Variants in BDH1 observed in about 807,000 individuals in gnomAD.
The protein encoded by BDH1 is 3-hydroxybutyrate dehydrogenase 1, also known as D-beta-hydroxybutyrate dehydrogenase, mitochondrial.
A neutral mutation model predicts 33.1 loss-of-function variants in BDH1; 30 were observed. The observed-to-expected ratio is 0.91, with a 90% CI of 0.68 to 1.23. The LOEUF is 1.23. Ranked by LOEUF, BDH1 falls within the 50% of genes most tolerant of loss-of-function variation. BDH1 has a pLI of 0.00. For missense variants in BDH1, 443 were observed against 464.4 expected (o/e 0.95, Z 0.42); for synonymous variants, 190 against 183.6 (o/e 1.03, Z -0.28).
intron 1 of BDH1, among the ~76,000 whole-genome samples, chr3:197,555,141 C>T (rs1431103954): frequency 6.6e-6 from 1 of 152,266 alleles, no homozygotes; most frequent in African/African-American, 2.4e-5. Flanking sequence ...GCTCCTCCTC[C>T]TTCCCCGGCC....
intron 3 of BDH1, among the ~76,000 whole-genome samples, chr3:197,539,406 C>T (rs948012779): frequency 1.3e-5 from 2 of 152,216 alleles, no homozygotes; most frequent in African/African-American, 4.8e-5. Flanking sequence ...TCCCAAAGTG[C>T]TGGGATTACA....
At chr3:197,547,854 G>GC (rs1415602922) in intron 2 of BDH1, among the ~76,000 whole-genome samples, 1 of 149,606 alleles carries the variant, frequency 6.7e-6, no homozygotes, top group Admixed American at 6.6e-5. Context: ...CTCCTGCTCT[G>GC]CCCTCATCCT....
chr3:197,521,760 T>C lies in BDH1; in HGVS notation c.409+880A>G, dbSNP rs1249543837. 6.6e-6 allele frequency among the ~76,000 whole-genome samples: 1 copy of C among 152,128 alleles called. No homozygotes were observed. Among genetic ancestry groups the C allele is most frequent in the East Asian group, 1.9e-4 (1 of 5,204 alleles). The stretch of plus-strand genomic sequence containing the variant: ...GGCAGCTTCGCCTTCTCAACACTCC[T>C]CGCACCTGACCCTTCCTGTTTCCCA... On this transcript the variant is annotated intron_variant, in intron 6 of 7. Coordinates refer to ENST00000392379, the MANE Select transcript of BDH1 (RefSeq NM_203314.3). This position sits in a 1 kb window ranked among gnomAD's most constrained non-coding sequence, Gnocchi z 4.9.
Position 197,516,791 on chromosome 3 carries a change from T to G in BDH1, c.410-2375A>C, listed in dbSNP as rs574621061. ...CTCCCCCACCTACTGAGTCACCCAG[T>G]ACTGCTAATATTACAGCTCAAGATC... On this transcript the variant is annotated intron_variant, in intron 6 of 7. Coordinates refer to ENST00000392379, the MANE Select transcript of BDH1 (RefSeq NM_203314.3). The surrounding 1 kb of genome is among the most constrained non-coding windows in gnomAD (Gnocchi z 4.2). 9.9e-4 allele frequency among the ~76,000 whole-genome samples: 150 copies of G among 152,014 alleles called. 1 individual carries two copies. Among genetic ancestry groups the G allele is most frequent in the African/African-American group, 3.4e-3 (141 of 41,438 alleles).
intron 2 of BDH1, among the ~76,000 whole-genome samples, chr3:197,548,255 G>A (rs1027546514): frequency 3.0e-4 from 46 of 151,524 alleles, no homozygotes; most frequent in African/African-American, 1.0e-3. Flanking sequence ...ACAGGCCCAC[G>A]TTGGCTCAGA....
At chr3:197,549,887 C>T (rs1579989808) in intron 2 of BDH1, among the ~76,000 whole-genome samples, 2 of 151,982 alleles carry the variant, frequency 1.3e-5, no homozygotes, top group East Asian at 3.8e-4. Context: ...TCCATATCAT[C>T]TTTGTTAATT....
chr3:197,531,256 C>T (rs1330021196), intron 5 of BDH1, among the ~76,000 whole-genome samples: 1 of 151,580 alleles, frequency 6.6e-6, no homozygotes, highest in Non-Finnish European at 1.5e-5. Context: ...ATTAGGTGGG[C>T]ATGGTGGCTC....
At chr3:197,566,285 T>C (rs1219320028) in intron 1 of BDH1, among the ~76,000 whole-genome samples, 1 of 152,208 alleles carries the variant, frequency 6.6e-6, no homozygotes, top group East Asian at 1.9e-4. Flanking sequence ...GGATTCAAAA[T>C]TGACTTATGG....
In BDH1 at chr3:197,514,067, C is replaced by T. The variant is rs116413785; in HGVS notation, c.562+197G>A. The T allele has an allele frequency of 4.8e-3, 3,182 of 659,186 alleles. 64 individuals are homozygous for T. Among genetic ancestry groups the T allele is most frequent in the African/African-American group, 0.039 (2,099 of 54,476 alleles). The allele number at this position is 659,186 out of a possible 1,614,324, so 40.8% of individuals were successfully genotyped here. A position where few individuals can be genotyped will look rare whatever the true frequency, so the allele number is the denominator to read the frequency against. On this transcript the variant is annotated intron_variant, in intron 7 of 7. Transcript: ENST00000392379. The surrounding 1 kb of genome is among the most constrained non-coding windows in gnomAD (Gnocchi z 4.2). ...ATGGACCACTGACCTCTTACCTGCT[C>T]TGCTTCCTCCTCCCCTACCCGGCCA...
intron 3 of BDH1, chr3:197,543,112 C>T: frequency 1.0e-6 from 1 of 985,380 alleles, no homozygotes; most frequent in Non-Finnish European, 1.2e-6. Flanking sequence ...GAATCAGAAA[C>T]AATAACCAGT....
chr3:197,546,786 A>G (rs559798066), intron 2 of BDH1, among the ~76,000 whole-genome samples: 47 of 152,300 alleles, frequency 3.1e-4, no homozygotes, highest in African/African-American at 1.1e-3. Context: ...GTTGGCCCAG[A>G]TCAGTGATCC....
intron 2 of BDH1, among the ~76,000 whole-genome samples, chr3:197,549,987 TTGG>T (rs1716424540): frequency 8.3e-6 from 1 of 121,104 alleles, no homozygotes; most frequent in African/African-American, 3.7e-5. Context: ...ATATATATAT[TTGG>T]CCATTCCTCT....
intron 3 of BDH1, among the ~76,000 whole-genome samples, chr3:197,543,476 G>C (rs924793165): frequency 6.6e-6 from 1 of 152,252 alleles, no homozygotes; most frequent in African/African-American, 2.4e-5. Context: ...ATGTGAGCAA[G>C]GCACCTGCCC....
chr3:197,515,853 G>A (rs571555540), intron 6 of BDH1: 17 of 322,660 alleles, frequency 5.3e-5, no homozygotes, highest in African/African-American at 1.3e-4. Context: ...GCAATGAGCC[G>A]GATCATGCCA....
chr3:197,532,814 G>A (rs1288111586), intron 4 of BDH1, among the ~76,000 whole-genome samples: 5 of 152,178 alleles, frequency 3.3e-5, no homozygotes, highest in Non-Finnish European at 7.3e-5. Context: ...TTTTTAAAAC[G>A]CTCAATGTAG....
chr3:197,515,683 T>G, intron 6 of BDH1: 4 of 985,412 alleles, frequency 4.1e-6, no homozygotes, highest in Non-Finnish European at 4.8e-6. Context: ...CGAAGATCCT[T>G]CTGTAACTGT....
chr3:197,532,101 C>T (rs1403729580), intron 5 of BDH1, among the ~76,000 whole-genome samples: 2 of 152,216 alleles, frequency 1.3e-5, no homozygotes, highest in African/African-American at 4.8e-5. Context: ...GCATGGCTGT[C>T]TCCTCACCAC....
intron 5 of BDH1, chr3:197,529,603 T>C (rs1289732932): frequency 6.6e-6 from 1 of 152,240 alleles, no homozygotes; most frequent in Non-Finnish European, 1.5e-5. Flanking sequence ...AAGACTTCAC[T>C]TTTTTACATA....
intron 1 of BDH1, among the ~76,000 whole-genome samples, chr3:197,563,284 T>C (rs187362765): frequency 3.5e-4 from 53 of 152,352 alleles, no homozygotes; most frequent in Non-Finnish European, 6.3e-4. Flanking sequence ...TGTCTGACTT[T>C]TATGTGAGTT....
Sources: allele counts gnomAD v4.1 joint callset (sites outside exome capture counted in the v4.1 genomes callset), GRCh38; gene constraint gnomAD v4.1.1; non-coding constraint Gnocchi (gnomAD v3.1); transcripts MANE v1.5; gene names NCBI Gene and HGNC (gene_info 2026-07-23, HGNC 2026-07-21).